The following IQCM variants were observed in gnomAD, a reference collection of about 807,000 sequenced individuals.
IQCM encodes the protein IQ motif containing M.
In IQCM, 45 loss-of-function variants were observed where a neutral mutation model predicts 57.6. The observed-to-expected ratio is 0.78, with a 90% confidence interval of 0.62 to 1.00. IQCM has a LOEUF of 1.00. Ranked by LOEUF, IQCM falls within the 50% of genes least tolerant of loss-of-function variation. The pLI, the probability that IQCM is intolerant of heterozygous loss-of-function variation, is 0.00. For synonymous variants in IQCM, 148 were observed against 158.9 expected, an observed-to-expected ratio of 0.93 and a Z score of 0.51; for missense variants, 468 against 511.6, an observed-to-expected ratio of 0.91 and a Z score of 0.82.
At position 149,566,577 on chromosome 4, in the gene IQCM, A is replaced by G. The variant is rs370237582; in HGVS notation, c.750-2687T>C. Among the ~76,000 whole-genome samples the G allele has an allele frequency of 3.0e-4, 46 of 152,292 alleles. No homozygotes were observed. The East Asian group carries it at 5.0e-3, about 17-fold the overall frequency. ...AGAGACACAGACAACAGAGGCAGAG[A>G]GAGAATTGAAAGTTATTTGGGGTAA... On this transcript the variant is annotated intron_variant, in intron 9 of 13. Coordinates refer to ENST00000636793, the MANE Select transcript of IQCM (RefSeq NM_001363507.2).
chr4:149,572,963 A>G (rs1469313386), intron 9 of IQCM, among the ~76,000 whole-genome samples: 1 of 151,884 alleles, frequency 6.6e-6, no homozygotes, highest in Non-Finnish European at 1.5e-5. Flanking sequence ...CAACCTAGTA[A>G]TTTCCTTTTT....
intron 13 of IQCM, among the ~76,000 whole-genome samples, chr4:149,397,751 G>C (rs1732330202): frequency 1.3e-5 from 2 of 152,006 alleles, no homozygotes; most frequent in African/African-American, 4.8e-5. Flanking sequence ...TTTAAATCCA[G>C]TTATTAGGGG....
intron 12 of IQCM, among the ~76,000 whole-genome samples, chr4:149,466,875 A>G (rs952747101): frequency 2.0e-5 from 3 of 152,132 alleles, no homozygotes; most frequent in Admixed American, 6.5e-5. Flanking sequence ...TCAGAAATAA[A>G]ACCTTCTTGC....
chr4:149,440,518 A>C (rs896645209), intron 12 of IQCM, among the ~76,000 whole-genome samples: 2 of 152,152 alleles, frequency 1.3e-5, no homozygotes, highest in Non-Finnish European at 2.9e-5. Context: ...GAAAAACTGC[A>C]GTAATTGGCA....
At chr4:149,594,745 T>C (rs926877076) in intron 8 of IQCM, among the ~76,000 whole-genome samples, 4 of 152,238 alleles carry the variant, frequency 2.6e-5, no homozygotes, top group African/African-American at 9.6e-5. Flanking sequence ...GGTTGTTCAG[T>C]TGCCATGTAG....
chr4:149,622,065 A>G (rs1431878976), intron 7 of IQCM, among the ~76,000 whole-genome samples: 2 of 152,234 alleles, frequency 1.3e-5, no homozygotes, highest in East Asian at 1.9e-4. Flanking sequence ...AAACTCAAGA[A>G]GTAATAAATT....
At chr4:149,528,096 G>A (rs1035187252) in intron 12 of IQCM, among the ~76,000 whole-genome samples, 16 of 151,094 alleles carry the variant, frequency 1.1e-4, no homozygotes, top group Middle Eastern at 3.4e-3. Context: ...AGTGATTCTC[G>A]TGCCGCAGCC....
intron 4 of IQCM, among the ~76,000 whole-genome samples, chr4:149,734,116 A>T (rs1766713774): frequency 1.3e-5 from 2 of 152,086 alleles, no homozygotes; most frequent in Non-Finnish European, 2.9e-5. Flanking sequence ...AAATAGCATA[A>T]CTGTTCTACA....
intron 5 of IQCM, among the ~76,000 whole-genome samples, chr4:149,697,833 TG>T (rs2149807256): frequency 1.3e-5 from 2 of 152,270 alleles, no homozygotes; most frequent in East Asian, 3.9e-4. Context: ...GAAGAATGCC[TG>T]GCATATAATA....
chr4:149,481,712 T>TTGTTTTTTGTTTTTTTTTTG (rs1560896107), intron 12 of IQCM, among the ~76,000 whole-genome samples: 2 of 138,774 alleles, frequency 1.4e-5, no homozygotes, highest in Non-Finnish European at 3.1e-5. Context: ...TTTTTTTTTT[T>TTGTTTTTTGTTTTTTTTTTG]TTTTTTTTTT....
chr4:149,402,125 A>G (rs1235279303), intron 13 of IQCM, among the ~76,000 whole-genome samples: 1 of 151,780 alleles, frequency 6.6e-6, no homozygotes. Context: ...CATTCTTGAA[A>G]TTCAGAACTT....
intron 7 of IQCM, among the ~76,000 whole-genome samples, chr4:149,668,262 G>A (rs1484183335): frequency 2.0e-5 from 3 of 152,122 alleles, no homozygotes; most frequent in Admixed American, 2.0e-4. Context: ...AAGAGAGTGG[G>A]GGCCAATATT....
chr4:149,398,655 T>G (rs2111118407), intron 13 of IQCM, among the ~76,000 whole-genome samples: 1 of 152,192 alleles, frequency 6.6e-6, no homozygotes. Flanking sequence ...GATAGTTTAT[T>G]ATTGCATTGT....
intron 7 of IQCM, among the ~76,000 whole-genome samples, chr4:149,635,783 ACT>A (rs1757667339): frequency 6.6e-6 from 1 of 152,120 alleles, no homozygotes; most frequent in African/African-American, 2.4e-5. Flanking sequence ...TGAGATTCTA[ACT>A]CTGTTTTTTG....
intron 2 of IQCM, among the ~76,000 whole-genome samples, chr4:149,791,569 A>T (rs1772615429): frequency 6.6e-6 from 1 of 151,974 alleles, no homozygotes; most frequent in Non-Finnish European, 1.5e-5. Context: ...TTCCCTCTTT[A>T]TCTGCCTCCC....
At chr4:149,612,584 TG>T (rs763145008) in intron 8 of IQCM, among the ~76,000 whole-genome samples, 5 of 152,132 alleles carry the variant, frequency 3.3e-5, no homozygotes, top group Non-Finnish European at 5.9e-5. Context: ...GAACAATTCC[TG>T]TGCTCTAAAT....
chr4:149,542,919 T>C (rs1748000319), intron 12 of IQCM, among the ~76,000 whole-genome samples: 1 of 152,012 alleles, frequency 6.6e-6, no homozygotes, highest in Non-Finnish European at 1.5e-5. Context: ...AATAAATAAC[T>C]TGTCCAAAGA....
At chr4:149,442,910 C>G (rs1043764804) in intron 12 of IQCM, among the ~76,000 whole-genome samples, 4 of 149,378 alleles carry the variant, frequency 2.7e-5, no homozygotes, top group African/African-American at 9.9e-5. Context: ...GAAGAACTAG[C>G]AGGCTATCTC....
intron 13 of IQCM, among the ~76,000 whole-genome samples, chr4:149,425,634 C>T (rs1734414680): frequency 6.6e-6 from 1 of 151,964 alleles, no homozygotes; most frequent in Admixed American, 6.6e-5. Flanking sequence ...CCACCTGCCT[C>T]AATGAGGGAA....
Sources: allele counts gnomAD v4.1 joint callset (sites outside exome capture counted in the v4.1 genomes callset), GRCh38; gene constraint gnomAD v4.1.1; transcripts MANE v1.5; gene names NCBI Gene and HGNC (gene_info 2026-07-23, HGNC 2026-07-21).